Variants in NEDD4L observed in about 807,000 individuals in gnomAD.
NEDD4L encodes NEDD4 like E3 ubiquitin protein ligase, also known as E3 ubiquitin-protein ligase NEDD4-like.
In NEDD4L, 54 loss-of-function variants were observed where a neutral mutation model predicts 148.9. The ratio of observed to expected loss-of-function variants is 0.36; its 90% CI spans 0.29 to 0.45. NEDD4L has a LOEUF of 0.45. Among genes scored for constraint, NEDD4L ranks in the 20% least tolerant of loss-of-function variants. The pLI is 1.00. For synonymous variants in NEDD4L, 433 were observed against 440.7 expected, an observed-to-expected ratio of 0.98 and a Z score of 0.22; for missense variants, 856 against 1,233.8, an observed-to-expected ratio of 0.69 and a Z score of 4.59.
chr18:58,184,376 G>A (rs2039211846), intron 2 of NEDD4L, among the ~76,000 whole-genome samples: 1 of 152,060 alleles, frequency 6.6e-6, no homozygotes, highest in Non-Finnish European at 1.5e-5. Flanking sequence ...GAGCAGAGAT[G>A]GTTTTGATGA....
intron 2 of NEDD4L, among the ~76,000 whole-genome samples, chr18:58,168,812 A>G (rs575365622): frequency 1.3e-5 from 2 of 152,298 alleles, no homozygotes; most frequent in South Asian, 4.2e-4. Context: ...CCTGTAGACA[A>G]TGATGTTTTT....
intron 3 of NEDD4L, 79 bp downstream of exon 3, chr18:58,245,587 C>CT (rs2047155594): frequency 2.8e-6 from 2 of 716,260 alleles, no homozygotes; most frequent in East Asian, 2.9e-5. Context: ...TGCTTAACAC[C>CT]TTTTTGGTCA....
chr18:58,054,227 C>T (rs925629699), intron 1 of NEDD4L, among the ~76,000 whole-genome samples: 10 of 152,226 alleles, frequency 6.6e-5, no homozygotes, highest in Non-Finnish European at 1.0e-4. Context: ...TGTCCCACAG[C>T]GTGACAGGCT....
At chr18:58,184,666 C>T (rs191127968) in intron 2 of NEDD4L, among the ~76,000 whole-genome samples, 9 of 152,220 alleles carry the variant, frequency 5.9e-5, no homozygotes, top group African/African-American at 1.9e-4. Context: ...TGGTGGCTCA[C>T]GCTTGTAATC....
chr18:58,155,617 G>A (rs565683040), intron 1 of NEDD4L, among the ~76,000 whole-genome samples: 2 of 152,310 alleles, frequency 1.3e-5, no homozygotes, highest in African/African-American at 2.4e-5. Context: ...AGCTCTCAAA[G>A]CATGATTATG....
At chr18:58,355,428 A>G (rs17064863) in intron 18 of NEDD4L, among the ~76,000 whole-genome samples, 1,729 of 152,216 alleles carry the variant, frequency 0.011, 32 homozygotes, top group African/African-American at 0.04. Flanking sequence ...CTTACGGGAA[A>G]CCCAGATGCA....
chr18:58,062,780 A>AGG (rs2082389856), intron 1 of NEDD4L, among the ~76,000 whole-genome samples: 2 of 152,230 alleles, frequency 1.3e-5, no homozygotes, highest in South Asian at 4.1e-4. Context: ...CGAGGTCAGG[A>AGG]AATTGAGACC....
At chr18:58,345,344 C>G (rs780759179) in intron 16 of NEDD4L, among the ~76,000 whole-genome samples, 1 of 152,144 alleles carries the variant, frequency 6.6e-6, no homozygotes, top group Non-Finnish European at 1.5e-5. Flanking sequence ...GATGAAGAGC[C>G]GGAGGGAAGC....
chr18:58,343,277 G>T (rs1004473347), intron 16 of NEDD4L, among the ~76,000 whole-genome samples, 174 bp downstream of exon 16: 25 of 151,962 alleles, frequency 1.6e-4, no homozygotes, highest in African/African-American at 5.8e-4. Flanking sequence ...GGTGGGAGTG[G>T]GTGGGCACAG....
At chr18:58,060,953 T>A (rs1159721055) in intron 1 of NEDD4L, among the ~76,000 whole-genome samples, 1 of 152,114 alleles carries the variant, frequency 6.6e-6, no homozygotes, top group Non-Finnish European at 1.5e-5. Context: ...AGAAATGGGG[T>A]TTCACCATGT....
At chr18:58,315,871 T>G in intron 5 of NEDD4L, 111 bp from the exon 6 acceptor site, 2 of 973,098 alleles carry the variant, frequency 2.1e-6, no homozygotes, top group Middle Eastern at 2.1e-4. Flanking sequence ...CCCTCCACAT[T>G]CCAGTGCCAG....
At chr18:58,351,714 A>G (rs1384495294) in intron 18 of NEDD4L, among the ~76,000 whole-genome samples, 1 of 151,860 alleles carries the variant, frequency 6.6e-6, no homozygotes, top group Non-Finnish European at 1.5e-5. Context: ...TCATATTTCT[A>G]TGTCCCTTAA....
chr18:58,280,183 G>A (rs910697982), intron 5 of NEDD4L, among the ~76,000 whole-genome samples: 15 of 152,046 alleles, frequency 9.9e-5, no homozygotes, highest in African/African-American at 3.4e-4. Context: ...GCCACTGCAC[G>A]TGGCTGCATC....
At chr18:58,359,954 T>A (rs2045253430) in intron 19 of NEDD4L, 1 of 152,236 alleles carries the variant, frequency 6.6e-6, no homozygotes, top group Non-Finnish European at 1.5e-5. Flanking sequence ...TCATTTGACC[T>A]CTCTGAAGTT....
intron 1 of NEDD4L, among the ~76,000 whole-genome samples, chr18:58,160,416 C>T (rs544294989): frequency 1.3e-5 from 2 of 152,280 alleles, no homozygotes; most frequent in African/African-American, 2.4e-5. Context: ...AGAATCACCC[C>T]GTTACACAAT....
intron 23 of NEDD4L, among the ~76,000 whole-genome samples, chr18:58,372,935 C>A (rs2047084679): frequency 6.6e-6 from 1 of 152,130 alleles, no homozygotes; most frequent in African/African-American, 2.4e-5. Flanking sequence ...AGAGTAGGTG[C>A]CTTCCACTGT....
chr18:58,044,803 T>G, intron 1 of NEDD4L, 95 bp downstream of exon 1: 1 of 1,474,590 alleles, frequency 6.8e-7, no homozygotes, highest in East Asian at 2.6e-5. Flanking sequence ...GGGGTGCTCG[T>G]GCCCAGCGTC....
intron 1 of NEDD4L, among the ~76,000 whole-genome samples, chr18:58,158,309 T>A (rs1421062960): frequency 6.6e-6 from 1 of 152,164 alleles, no homozygotes; most frequent in Non-Finnish European, 1.5e-5. Context: ...TGACCTAATC[T>A]CCAAAGTCAC....
intron 1 of NEDD4L, among the ~76,000 whole-genome samples, chr18:58,104,488 A>G (rs1477495761): frequency 1.3e-5 from 2 of 152,206 alleles, no homozygotes; most frequent in South Asian, 4.1e-4. Flanking sequence ...TGGTGATGTT[A>G]TATGAATTTC....
Sources: allele counts gnomAD v4.1 joint callset (sites outside exome capture counted in the v4.1 genomes callset), GRCh38; gene constraint gnomAD v4.1.1; transcripts MANE v1.5; gene names NCBI Gene and HGNC (gene_info 2026-07-23, HGNC 2026-07-21).